The following PEX14 variants were observed in gnomAD, a reference collection of about 807,000 sequenced individuals.
PEX14 encodes peroxisomal membrane protein PEX14.
Under a neutral mutation model 49.5 loss-of-function variants are expected in PEX14, and 15 were observed. The ratio of observed to expected loss-of-function variants is 0.30; its 90% CI spans 0.20 to 0.47. The LOEUF (loss-of-function observed/expected upper bound fraction) is 0.47, where lower values mean the gene tolerates loss of function less well. Among genes scored for constraint, PEX14 ranks in the 20% least tolerant of loss-of-function variants. The pLI is 1.00. For missense variants in PEX14, 398 were observed against 494.8 expected, an observed-to-expected ratio of 0.80 and a Z score of 1.86; for synonymous variants, 210 against 212.7, an observed-to-expected ratio of 0.99 and a Z score of 0.11.
In PEX14 at chr1:10,613,844, T is replaced by C. The variant is rs140895014; in HGVS notation, c.299-4488T>C. On this transcript the variant is annotated intron_variant, in intron 4 of 8. Coordinates refer to ENST00000356607, the MANE Select transcript of PEX14 (RefSeq NM_004565.3). The surrounding 1 kb of genome is among the most constrained non-coding windows in gnomAD (Gnocchi z 5.0). The stretch of plus-strand genomic sequence containing the variant: ...TGCTACCTTGTCTGCCTTGTCTGCA[T>C]GGCAGGCCAGTCCCTGCTTCCAGAG... Among the ~76,000 whole-genome samples the C allele has an allele frequency of 2.1e-4, 32 of 152,382 alleles. No homozygotes were observed. Among genetic ancestry groups the C allele is most frequent in the Non-Finnish European group, 3.7e-4 (25 of 68,038 alleles).
intron 1 of PEX14, among the ~76,000 whole-genome samples, chr1:10,478,225 G>A (rs980809260): frequency 2.0e-5 from 3 of 152,102 alleles, no homozygotes; most frequent in African/African-American, 7.2e-5. Context: ...CCAGAACAGT[G>A]CCTGAAACAA....
intron 2 of PEX14, chr1:10,535,753 A>G: frequency 3.5e-6 from 1 of 288,812 alleles, no homozygotes; most frequent in South Asian, 3.7e-5. Flanking sequence ...AACAGACTAT[A>G]AAAGGGCTGT....
At chr1:10,545,556 A>G (rs1170524899) in intron 3 of PEX14, among the ~76,000 whole-genome samples, 3 of 152,212 alleles carry the variant, frequency 2.0e-5, no homozygotes, top group Non-Finnish European at 2.9e-5. Flanking sequence ...AAGAGTGACT[A>G]AATAATAGGT....
intron 4 of PEX14, among the ~76,000 whole-genome samples, chr1:10,601,508 T>TA (rs1187097683): frequency 2.0e-5 from 3 of 152,262 alleles, no homozygotes; most frequent in African/African-American, 7.2e-5. Context: ...CTGTCTGTGT[T>TA]ACGGATCTTA....
chr1:10,490,428 A>G (rs571455961), intron 1 of PEX14, among the ~76,000 whole-genome samples: 3 of 152,194 alleles, frequency 2.0e-5, no homozygotes, highest in African/African-American at 4.8e-5. Context: ...TCTTTGTTGG[A>G]CAGCAGGTCA....
intron 3 of PEX14, among the ~76,000 whole-genome samples, chr1:10,574,169 A>G (rs1405280268): frequency 1.3e-5 from 2 of 152,232 alleles, no homozygotes; most frequent in Non-Finnish European, 2.9e-5. Context: ...TGGGTGGTTT[A>G]TGAAACACAT....
At chr1:10,498,143 G>A (rs779222138) in intron 2 of PEX14, among the ~76,000 whole-genome samples, 1 of 152,158 alleles carries the variant, frequency 6.6e-6, no homozygotes, top group Non-Finnish European at 1.5e-5. Flanking sequence ...AGCCGGGCTT[G>A]GTGCCTCATG....
intron 2 of PEX14, among the ~76,000 whole-genome samples, chr1:10,518,839 C>G (rs950320861): frequency 1.3e-5 from 2 of 152,126 alleles, no homozygotes; most frequent in African/African-American, 4.8e-5. Flanking sequence ...CTTCCTGGCA[C>G]AAGGATTTCA....
intron 2 of PEX14, among the ~76,000 whole-genome samples, chr1:10,520,802 T>A (rs1638262779): frequency 6.6e-6 from 1 of 152,212 alleles, no homozygotes; most frequent in Admixed American, 6.5e-5. Flanking sequence ...GCCTTTATTA[T>A]ATCAGAGGTA....
At chr1:10,533,118 A>G (rs867649639) in intron 2 of PEX14, among the ~76,000 whole-genome samples, 1 of 152,040 alleles carries the variant, frequency 6.6e-6, no homozygotes, top group Non-Finnish European at 1.5e-5. Flanking sequence ...TGAAAAGAGG[A>G]GAGAGGTTTT....
intron 2 of PEX14, among the ~76,000 whole-genome samples, chr1:10,527,258 G>A (rs577168612): frequency 6.9e-6 from 1 of 145,814 alleles, no homozygotes; most frequent in East Asian, 2.0e-4. Flanking sequence ...GGTGGCTCAC[G>A]CCTGTAATCC....
chr1:10,554,809 G>A (rs779729873), intron 3 of PEX14, among the ~76,000 whole-genome samples: 1 of 151,898 alleles, frequency 6.6e-6, no homozygotes, highest in Non-Finnish European at 1.5e-5. Flanking sequence ...CATCTCCTGG[G>A]GCTCAAGTGA....
chr1:10,485,096 C>T (rs1641344867), intron 1 of PEX14, among the ~76,000 whole-genome samples: 1 of 151,618 alleles, frequency 6.6e-6, no homozygotes, highest in Non-Finnish European at 1.5e-5. Context: ...CCACAGGATT[C>T]CTTCTCATTC....
intron 3 of PEX14, among the ~76,000 whole-genome samples, chr1:10,571,627 G>A (rs1314948653): frequency 2.6e-5 from 4 of 152,070 alleles, no homozygotes; most frequent in African/African-American, 9.7e-5. Context: ...TGGGCAACAG[G>A]ATGAAACCCC....
At chr1:10,619,974 G>C (rs1641542547) in intron 5 of PEX14, among the ~76,000 whole-genome samples, 1 of 152,110 alleles carries the variant, frequency 6.6e-6, no homozygotes. Context: ...AATTAGCCCA[G>C]CATGGCGGCG....
rs558226128 is a variant in PEX14, at chr1:10,624,264, C to A, written c.488-76C>A. On this transcript the variant is annotated intron_variant, in intron 6 of 8. Transcript: ENST00000356607. The stretch of plus-strand genomic sequence containing the variant: ...GATGGAGCGGGAACACGGGCAGCTC[C>A]GAGGTGTGCGGACCGAGCGAGGGGA... 3.2e-6 allele frequency: 3 copies of A among 923,238 alleles called. No individual in the cohort carries two copies. In the African/African-American group the frequency reaches 4.9e-5, roughly 15 times the overall value. 57.2% of individuals were successfully genotyped at this position (923,238 alleles called of 1,614,324 possible).
At chr1:10,565,465 TG>T (rs977038582) in intron 3 of PEX14, among the ~76,000 whole-genome samples, 1 of 152,208 alleles carries the variant, frequency 6.6e-6, no homozygotes, top group African/African-American at 2.4e-5. Context: ...TTTTCCTTGG[TG>T]GGGTGAACCC....
At chr1:10,475,858 A>G (rs1052386536) in intron 1 of PEX14, among the ~76,000 whole-genome samples, 13 of 152,250 alleles carry the variant, frequency 8.5e-5, no homozygotes, top group African/African-American at 3.1e-4. Flanking sequence ...AATTACATCT[A>G]TTATCTCGTT....
intron 5 of PEX14, among the ~76,000 whole-genome samples, chr1:10,619,305 C>T (rs1641524493): frequency 6.6e-6 from 1 of 151,294 alleles, no homozygotes; most frequent in African/African-American, 2.4e-5. Context: ...TCCTCCACCC[C>T]TGATTGGTGA....
Sources: gnomAD v4.1 joint callset for allele counts (sites outside exome capture counted in the v4.1 genomes callset) on GRCh38, gnomAD v4.1.1 for gene constraint, Gnocchi (gnomAD v3.1) non-coding constraint, MANE v1.5 for transcripts, NCBI Gene and HGNC (gene_info 2026-07-23, HGNC 2026-07-21) for gene names.